The following PRKG1 variants were observed in gnomAD, a reference collection of about 807,000 sequenced individuals.
The protein encoded by PRKG1 is protein kinase cGMP-dependent 1.
A neutral mutation model predicts 88.1 loss-of-function variants in PRKG1; 35 were observed. The observed-to-expected ratio is 0.40, with a 90% CI of 0.30 to 0.53. The LOEUF (loss-of-function observed/expected upper bound fraction) is 0.53. Among genes scored for constraint, PRKG1 ranks in the 20% least tolerant of loss-of-function variants. PRKG1 has a pLI of 0.59. For synonymous variants in PRKG1, 303 were observed against 292.5 expected, an observed-to-expected ratio of 1.04 and a Z score of -0.37; for missense variants, 540 against 839.8, an observed-to-expected ratio of 0.64 and a Z score of 4.41.
intron 1 of PRKG1, among the ~76,000 whole-genome samples, chr10:50,992,699 T>C (rs1288794447): frequency 6.6e-6 from 1 of 152,056 alleles, no homozygotes; most frequent in East Asian, 1.9e-4. Flanking sequence ...AGTAGGAAGC[T>C]TTTGCACTCC....
At chr10:51,444,374 A>G (rs919404589) in intron 2 of PRKG1, among the ~76,000 whole-genome samples, 4 of 151,982 alleles carry the variant, frequency 2.6e-5, no homozygotes, top group Non-Finnish European at 5.9e-5. Flanking sequence ...GGCAAAGGTC[A>G]GAACTTGAAG....
In PRKG1 at chr10:51,756,221, A is replaced by G. The variant is rs192204676; in HGVS notation, c.593-48364A>G. Among the ~76,000 whole-genome samples the G allele has an allele frequency of 5.5e-3, 830 of 152,258 alleles. 10 individuals are homozygous for G. Among genetic ancestry groups the G allele is most frequent in the Non-Finnish European group, 6.1e-3 (415 of 68,016 alleles). ...GTAGAGGCTGGGAGCAGTGGCTCAGACCTGTAATCCCTCCAAGTGCTTTGG... is the reference window on the plus strand; with the variant it reads ...GTAGAGGCTGGGAGCAGTGGCTCAGGCCTGTAATCCCTCCAAGTGCTTTGG... On this transcript the variant is annotated intron_variant, in intron 3 of 17. Transcript: ENST00000373980.
chr10:51,938,966 T>C (rs1842850192), intron 5 of PRKG1, among the ~76,000 whole-genome samples: 1 of 151,984 alleles, frequency 6.6e-6, no homozygotes, highest in Non-Finnish European at 1.5e-5. Context: ...AGGGAAAGGG[T>C]ATGTGGATAG....
At chr10:52,196,994 C>T (rs920898925) in intron 9 of PRKG1, among the ~76,000 whole-genome samples, 4 of 152,086 alleles carry the variant, frequency 2.6e-5, no homozygotes, top group African/African-American at 9.7e-5. Flanking sequence ...ATAATAGTAG[C>T]CACAATAGTA....
chr10:51,461,420 A>G (rs1439335072), intron 2 of PRKG1, among the ~76,000 whole-genome samples: 1 of 152,116 alleles, frequency 6.6e-6, no homozygotes, highest in African/African-American at 2.4e-5. Flanking sequence ...AAAGGTTTAG[A>G]AAAAAAACCT....
chr10:52,228,880 C>T (rs1840458493), intron 9 of PRKG1, among the ~76,000 whole-genome samples: 1 of 152,170 alleles, frequency 6.6e-6, no homozygotes, highest in African/African-American at 2.4e-5. Context: ...AATGAAACAC[C>T]TGCACTAAGT....
intron 2 of PRKG1, among the ~76,000 whole-genome samples, chr10:51,404,976 C>T (rs1190655003): frequency 6.6e-6 from 1 of 152,136 alleles, no homozygotes; most frequent in Admixed American, 6.5e-5. Context: ...AAAAAAATCA[C>T]AAAGTTCTCA....
At chr10:51,318,618 G>T (rs1347015844) in intron 2 of PRKG1, among the ~76,000 whole-genome samples, 1 of 152,196 alleles carries the variant, frequency 6.6e-6, no homozygotes, top group African/African-American at 2.4e-5. Flanking sequence ...GCAGAGTAGG[G>T]AAAGCAGAGG....
At chr10:51,226,438 G>A (rs1383803593) in intron 2 of PRKG1, among the ~76,000 whole-genome samples, 2 of 152,132 alleles carry the variant, frequency 1.3e-5, no homozygotes, top group African/African-American at 4.8e-5. Context: ...ATGTGCATCA[G>A]TGTTCCCTAT....
chr10:52,069,823 TG>T (rs1846451432), intron 7 of PRKG1, among the ~76,000 whole-genome samples: 1 of 152,118 alleles, frequency 6.6e-6, no homozygotes, highest in African/African-American at 2.4e-5. Flanking sequence ...ATTTTACCCA[TG>T]TGAAATATTA....
At chr10:52,247,016 C>T (rs1159213540) in intron 9 of PRKG1, among the ~76,000 whole-genome samples, 1 of 151,784 alleles carries the variant, frequency 6.6e-6, no homozygotes, top group Admixed American at 6.6e-5. Flanking sequence ...GCCTTCTTCA[C>T]ACAACATACT....
At chr10:51,743,672 T>G (rs12776223) in intron 3 of PRKG1, among the ~76,000 whole-genome samples, 1 of 123,970 alleles carries the variant, frequency 8.1e-6, no homozygotes, top group African/African-American at 3.1e-5. Context: ...ATATATATAT[T>G]TATATATATA....
At chr10:51,477,436 A>C (rs1840229317) in intron 3 of PRKG1, among the ~76,000 whole-genome samples, 1 of 151,666 alleles carries the variant, frequency 6.6e-6, no homozygotes, top group South Asian at 2.1e-4. Context: ...AAAGAGAAGA[A>C]TAGTTCCGAG....
intron 1 of PRKG1, among the ~76,000 whole-genome samples, chr10:51,032,026 A>G (rs970160215): frequency 1.3e-5 from 2 of 152,202 alleles, no homozygotes; most frequent in Non-Finnish European, 2.9e-5. Context: ...GAAAAACATT[A>G]AAATTGTTCT....
intron 1 of PRKG1, among the ~76,000 whole-genome samples, chr10:51,112,931 G>T (rs557548033): frequency 1.4e-4 from 21 of 152,232 alleles, no homozygotes; most frequent in South Asian, 8.3e-4. Context: ...AATATACCAG[G>T]TTGTATTCAG....
intron 3 of PRKG1, among the ~76,000 whole-genome samples, chr10:51,576,707 G>A (rs1211528717): frequency 1.3e-5 from 2 of 151,790 alleles, no homozygotes; most frequent in Non-Finnish European, 2.9e-5. Flanking sequence ...ATTCCTAAGT[G>A]TTATTTTCAA....
At chr10:51,361,326 C>A (rs1476533295) in intron 2 of PRKG1, among the ~76,000 whole-genome samples, 1 of 151,858 alleles carries the variant, frequency 6.6e-6, no homozygotes, top group African/African-American at 2.4e-5. Context: ...AGTATAGGTA[C>A]CATGATTATA....
At chr10:51,335,662 G>A (rs1250506756) in intron 2 of PRKG1, among the ~76,000 whole-genome samples, 6 of 152,086 alleles carry the variant, frequency 3.9e-5, no homozygotes, top group Non-Finnish European at 7.4e-5. Flanking sequence ...CTCCTGAGTA[G>A]CTGGGATTAC....
intron 9 of PRKG1, among the ~76,000 whole-genome samples, chr10:52,239,543 A>AAG (rs1840799347): frequency 6.8e-6 from 1 of 147,270 alleles, no homozygotes; most frequent in Non-Finnish European, 1.5e-5. Context: ...AAAAAAAAAA[A>AAG]AAGAATTGTC....
Sources: gnomAD v4.1 joint callset for allele counts (sites outside exome capture counted in the v4.1 genomes callset) on GRCh38, gnomAD v4.1.1 for gene constraint, MANE v1.5 for transcripts, NCBI Gene and HGNC (gene_info 2026-07-23, HGNC 2026-07-21) for gene names.